KANSL1L: variants seen among roughly 807,000 people sequenced by gnomAD.
KANSL1L encodes the protein KAT8 regulatory NSL complex subunit 1 like, also known as KAT8 regulatory NSL complex subunit 1-like protein.
Under a neutral mutation model 108.6 loss-of-function variants are expected in KANSL1L, and 25 were observed. The observed-to-expected ratio is 0.23, with a 90% CI of 0.17 to 0.32. The LOEUF (loss-of-function observed/expected upper bound fraction) is 0.32. KANSL1L is among the 10% of genes least tolerant of loss of function. The pLI is 1.00. For synonymous variants in KANSL1L, 405 were observed against 395.1 expected, an observed-to-expected ratio of 1.03 and a Z score of -0.30; for missense variants, 1,137 against 1,125.7, an observed-to-expected ratio of 1.01 and a Z score of -0.14.
chr2:210,145,293 T>C (rs2095257683), intron 2 of KANSL1L, among the ~76,000 whole-genome samples: 1 of 152,188 alleles, frequency 6.6e-6, no homozygotes, highest in African/African-American at 2.4e-5. Flanking sequence ...TGGTATCTCA[T>C]ATGAGGCATC....
At chr2:210,121,270 A>G (rs927329333) in intron 3 of KANSL1L, among the ~76,000 whole-genome samples, 1 of 152,260 alleles carries the variant, frequency 6.6e-6, no homozygotes, top group Non-Finnish European at 1.5e-5. Context: ...GGTAGACTGC[A>G]TAAAGCAAAT....
At chr2:210,133,045 G>A (rs1004197749) in intron 2 of KANSL1L, among the ~76,000 whole-genome samples, 2 of 151,982 alleles carry the variant, frequency 1.3e-5, no homozygotes, top group African/African-American at 2.4e-5. Flanking sequence ...TCTTTTAAGC[G>A]ATTAGCCTAT....
rs891563010 is a variant in KANSL1L, at chr2:210,048,732, AT to A, written c.1756-4629del. On this transcript the variant is annotated intron_variant, in intron 6 of 14. Coordinates refer to ENST00000281772, the MANE Select transcript of KANSL1L (RefSeq NM_152519.4). ...TGGCCTTAGTGTTGTGTGTTCTGTG[AT>A]TTTTTTTTTCTTATTGGGAATTCAT... 8.9e-5 allele frequency among the ~76,000 whole-genome samples: 13 copies of A among 146,016 alleles called. No homozygotes were observed. In the East Asian group the frequency reaches 1.4e-3, roughly 16 times the overall value.
chr2:210,118,489 A>AACAGAAG (rs1553668012), intron 3 of KANSL1L, among the ~76,000 whole-genome samples: 1 of 151,534 alleles, frequency 6.6e-6, no homozygotes, highest in African/African-American at 2.4e-5. Context: ...AAAAAAAAAA[A>AACAGAAG]ACAGAAGAAA....
intron 3 of KANSL1L, among the ~76,000 whole-genome samples, chr2:210,123,837 A>C (rs1280195750): frequency 6.6e-6 from 1 of 151,694 alleles, no homozygotes; most frequent in African/African-American, 2.4e-5. Context: ...TTTAAGTTAA[A>C]AAAAAAAAGC....
At chr2:210,149,550 A>C (rs1220336062) in intron 2 of KANSL1L, among the ~76,000 whole-genome samples, 1 of 152,140 alleles carries the variant, frequency 6.6e-6, no homozygotes, top group Admixed American at 6.5e-5. Context: ...CTAGATTTGA[A>C]AAATCTTTTC....
intron 8 of KANSL1L, among the ~76,000 whole-genome samples, chr2:210,034,738 G>A (rs954083214): frequency 1.3e-5 from 2 of 152,206 alleles, no homozygotes; most frequent in Non-Finnish European, 2.9e-5. Flanking sequence ...TTGGCAATTG[G>A]TTTAGACCAA....
intron 6 of KANSL1L, among the ~76,000 whole-genome samples, chr2:210,053,296 T>G (rs2094313220): frequency 6.6e-6 from 1 of 152,076 alleles, no homozygotes; most frequent in Non-Finnish European, 1.5e-5. Context: ...AATAAAATAA[T>G]CTCTAGTGAA....
chr2:210,158,107 T>A (rs2095343542), intron 1 of KANSL1L, among the ~76,000 whole-genome samples: 1 of 152,150 alleles, frequency 6.6e-6, no homozygotes, highest in Non-Finnish European at 1.5e-5. Context: ...ATCCCCACCC[T>A]CTTCGTATTC....
intron 2 of KANSL1L, among the ~76,000 whole-genome samples, chr2:210,150,891 TTAGCCAACTGC>T (rs1345768201): frequency 6.6e-6 from 1 of 152,108 alleles, no homozygotes; most frequent in Non-Finnish European, 1.5e-5. Flanking sequence ...AACAGATATA[TTAGCCAACTGC>T]ATAGGACAAA....
intron 5 of KANSL1L, among the ~76,000 whole-genome samples, chr2:210,083,540 T>TA (rs1196870490): frequency 6.6e-6 from 1 of 152,112 alleles, no homozygotes; most frequent in Non-Finnish European, 1.5e-5. Context: ...TACTGGGAGA[T>TA]ACGAATGCAT....
In KANSL1L at chr2:210,154,207, G is replaced by C; in HGVS notation, c.376C>G (p.Leu126Val). 1.2e-6 allele frequency: 2 copies of C among 1,614,036 alleles called. No individual in the cohort carries two copies. The highest frequency in any genetic ancestry group is 1.7e-5 in the Admixed American group (1 of 60,020). Residue 126 changes from leucine to valine, a missense_variant, in exon 2 of 15, where the codon CTT becomes GTT. Leu to Val is a conservative substitution (Grantham distance 32). Coordinates refer to ENST00000281772, the MANE Select transcript of KANSL1L (RefSeq NM_152519.4). ...GSNIQLSKICLSHSEEFIKKE... is the reference protein window; with the variant it reads ...GSNIQLSKICVSHSEEFIKKE... ...TTGATGAACTCTTCAGAATGAGAAA[G>C]ACAGATTTTACTGAGCTGAATGTTG...
chr2:210,113,670 A>G (rs1453978688), intron 3 of KANSL1L, among the ~76,000 whole-genome samples: 2 of 152,210 alleles, frequency 1.3e-5, no homozygotes, highest in South Asian at 2.1e-4. Context: ...AGGCTAAAAA[A>G]ATGATGTGAA....
chr2:210,142,293 T>C (rs2095236113), intron 2 of KANSL1L, among the ~76,000 whole-genome samples: 1 of 152,082 alleles, frequency 6.6e-6, no homozygotes, highest in South Asian at 2.1e-4. Context: ...CATAGAGATG[T>C]TGCATAATAG....
At chr2:210,087,776 T>C (rs1347148055) in intron 5 of KANSL1L, among the ~76,000 whole-genome samples, 1 of 152,208 alleles carries the variant, frequency 6.6e-6, no homozygotes, top group Non-Finnish European at 1.5e-5. Flanking sequence ...TCATTTGATC[T>C]TCACAACACA....
At chr2:210,053,433 C>T (rs1033832340) in intron 6 of KANSL1L, among the ~76,000 whole-genome samples, 12 of 152,032 alleles carry the variant, frequency 7.9e-5, no homozygotes, top group African/African-American at 2.4e-4. Context: ...CTTGTCTCTA[C>T]TAAAAATACA....
intron 6 of KANSL1L, among the ~76,000 whole-genome samples, chr2:210,056,636 ATGT>A: frequency 6.6e-6 from 1 of 152,184 alleles, no homozygotes; most frequent in African/African-American, 2.4e-5. Flanking sequence ...ATGCACCACC[ATGT>A]CCAGCTAATT....
intron 6 of KANSL1L, among the ~76,000 whole-genome samples, chr2:210,063,263 A>T (rs530569119): frequency 6.6e-6 from 1 of 152,346 alleles, no homozygotes; most frequent in South Asian, 2.1e-4. Context: ...AGATGTATGG[A>T]AACGCCTGGA....
chr2:210,045,917 T>C (rs1454942967), intron 6 of KANSL1L, among the ~76,000 whole-genome samples: 1 of 152,216 alleles, frequency 6.6e-6, no homozygotes, highest in African/African-American at 2.4e-5. Context: ...GATTCTGTCT[T>C]GGTCCATTCA....
Sources: allele counts gnomAD v4.1 joint callset (sites outside exome capture counted in the v4.1 genomes callset), GRCh38; gene constraint gnomAD v4.1.1; transcripts MANE v1.5; gene names NCBI Gene and HGNC (gene_info 2026-07-23, HGNC 2026-07-21).